The following PCDH7 variants were observed in gnomAD, a reference collection of about 807,000 sequenced individuals.
The protein encoded by PCDH7 is protocadherin 7, also known as protocadherin-7.
A neutral mutation model predicts 58.9 loss-of-function variants in PCDH7; 17 were observed. That is an observed-to-expected ratio of 0.29 (90% CI 0.20 to 0.43). The LOEUF is 0.43. Ranked by LOEUF, PCDH7 falls within the 20% of genes least tolerant of loss-of-function variation. PCDH7 has a pLI of 1.00. For synonymous variants in PCDH7, 664 were observed against 616.4 expected, an observed-to-expected ratio of 1.08 and a Z score of -1.14; for missense variants, 1,274 against 1,441.0, an observed-to-expected ratio of 0.88 and a Z score of 1.88.
chr4:30,742,390 C>T (rs886171861), intron 1 of PCDH7, among the ~76,000 whole-genome samples: 1 of 152,052 alleles, frequency 6.6e-6, no homozygotes, highest in Admixed American at 6.5e-5. Context: ...TCCACTGTGT[C>T]GTATTGCTGT....
intron 3 of PCDH7, among the ~76,000 whole-genome samples, chr4:31,073,324 C>A (rs1025464542): frequency 1.3e-5 from 2 of 152,122 alleles, no homozygotes; most frequent in African/African-American, 4.8e-5. Flanking sequence ...TTGCTGTATA[C>A]TCAACCCACT....
chr4:30,816,260 CTT>C (rs1183652276), intron 1 of PCDH7, among the ~76,000 whole-genome samples: 1 of 151,930 alleles, frequency 6.6e-6, no homozygotes. Flanking sequence ...CATGTTCTCT[CTT>C]GAGTTTTTGT....
intron 1 of PCDH7, among the ~76,000 whole-genome samples, chr4:30,769,550 A>G (rs1257159778): frequency 6.6e-6 from 1 of 152,146 alleles, no homozygotes; most frequent in Non-Finnish European, 1.5e-5. Context: ...GTTAATACTT[A>G]ATTCTTAAAT....
intron 3 of PCDH7, among the ~76,000 whole-genome samples, chr4:31,134,057 C>T (rs1246671326): frequency 6.6e-6 from 1 of 152,134 alleles, no homozygotes; most frequent in Non-Finnish European, 1.5e-5. Flanking sequence ...TAGTAGCTCT[C>T]TACTTGAACT....
At chr4:31,067,967 C>T (rs1310882285) in intron 3 of PCDH7, among the ~76,000 whole-genome samples, 2 of 151,924 alleles carry the variant, frequency 1.3e-5, no homozygotes, top group African/African-American at 2.4e-5. Context: ...CTTGCTATCT[C>T]CTGTTTAAGG....
At chr4:31,040,819 CT>C (rs1235706468) in intron 3 of PCDH7, among the ~76,000 whole-genome samples, 1 of 151,730 alleles carries the variant, frequency 6.6e-6, no homozygotes, top group Non-Finnish European at 1.5e-5. Context: ...GGTTGAGAAA[CT>C]AAAAATCAAA....
At chr4:31,000,674 C>G (rs1323261209) in intron 3 of PCDH7, among the ~76,000 whole-genome samples, 1 of 151,988 alleles carries the variant, frequency 6.6e-6, no homozygotes, top group Non-Finnish European at 1.5e-5. Context: ...CTCAATTCTC[C>G]TTGCCTTTCT....
chr4:31,035,976 C>T (rs559683095), intron 3 of PCDH7, among the ~76,000 whole-genome samples: 1 of 152,174 alleles, frequency 6.6e-6, no homozygotes, highest in South Asian at 2.1e-4. Flanking sequence ...GATTTTTTCC[C>T]TACCAGAGCA....
At chr4:31,083,150 G>A (rs550542937) in intron 3 of PCDH7, among the ~76,000 whole-genome samples, 24 of 151,958 alleles carry the variant, frequency 1.6e-4, no homozygotes, top group Non-Finnish European at 2.9e-4. Flanking sequence ...TACACATTAA[G>A]TACAATGTAC....
intron 1 of PCDH7, among the ~76,000 whole-genome samples, chr4:30,885,940 TC>T (rs1465520137): frequency 6.6e-6 from 1 of 152,088 alleles, no homozygotes; most frequent in Non-Finnish European, 1.5e-5. Context: ...TGAAACTGGA[TC>T]CCTTCCTTAC....
At chr4:31,131,466 A>G (rs948636622) in intron 3 of PCDH7, among the ~76,000 whole-genome samples, 2 of 152,038 alleles carry the variant, frequency 1.3e-5, no homozygotes, top group Admixed American at 1.3e-4. Context: ...TTTACTTTCA[A>G]CTGATCAGCT....
At chr4:30,894,145 A>T (rs1486633721) in intron 1 of PCDH7, among the ~76,000 whole-genome samples, 1 of 152,092 alleles carries the variant, frequency 6.6e-6, no homozygotes, top group African/African-American at 2.4e-5. Flanking sequence ...CTGAAGGATT[A>T]TCTCCAGTGA....
chr4:30,780,318 CA>C (rs1722611744), intron 1 of PCDH7, among the ~76,000 whole-genome samples: 1 of 151,980 alleles, frequency 6.6e-6, no homozygotes, highest in South Asian at 2.1e-4. Flanking sequence ...CCAGCCTGGT[CA>C]ACATGGAGAA....
chr4:30,860,568 T>C (rs2109353789), intron 1 of PCDH7, among the ~76,000 whole-genome samples: 1 of 152,266 alleles, frequency 6.6e-6, no homozygotes, highest in South Asian at 2.1e-4. Context: ...AACAAGGACA[T>C]ACCTTTCTGA....
chr4:30,788,692 C>T (rs1200476119), intron 1 of PCDH7, among the ~76,000 whole-genome samples: 1 of 152,014 alleles, frequency 6.6e-6, no homozygotes, highest in African/African-American at 2.4e-5. Context: ...TTATCTTAGA[C>T]ACTTAAGATA....
intron 1 of PCDH7, among the ~76,000 whole-genome samples, chr4:30,740,080 G>A (rs1348582865): frequency 1.3e-5 from 2 of 152,158 alleles, no homozygotes; most frequent in African/African-American, 4.8e-5. Flanking sequence ...GTGCAGCAGC[G>A]TTAAGTAACT....
At chr4:30,984,165 TG>T (rs1339107454) in intron 3 of PCDH7, among the ~76,000 whole-genome samples, 1 of 152,162 alleles carries the variant, frequency 6.6e-6, no homozygotes, top group Non-Finnish European at 1.5e-5. Context: ...TGCTATTCTT[TG>T]GGGGTGGTAA....
intron 3 of PCDH7, among the ~76,000 whole-genome samples, chr4:31,109,625 C>A (rs1200661485): frequency 6.6e-6 from 1 of 152,126 alleles, no homozygotes; most frequent in Non-Finnish European, 1.5e-5. Context: ...CTAATATATG[C>A]TCATTGTCGT....
At chr4:31,137,912 A>G (rs957737359) in intron 3 of PCDH7, among the ~76,000 whole-genome samples, 2 of 152,326 alleles carry the variant, frequency 1.3e-5, no homozygotes, top group South Asian at 2.1e-4. Flanking sequence ...AGATCCATGT[A>G]TCTCTAGCCT....
Sources: gnomAD v4.1 joint callset for allele counts (sites outside exome capture counted in the v4.1 genomes callset) on GRCh38, gnomAD v4.1.1 for gene constraint, MANE v1.5 for transcripts, NCBI Gene and HGNC (gene_info 2026-07-23, HGNC 2026-07-21) for gene names.